The following ACP6 variants were observed in gnomAD, a reference collection of about 807,000 sequenced individuals.
ACP6 encodes the protein lysophosphatidic acid phosphatase type 6.
Under a neutral mutation model 48.1 loss-of-function variants are expected in ACP6, and 48 were observed. The observed-to-expected ratio is 1.00, with a 90% CI of 0.79 to 1.27. The LOEUF is 1.27. Among genes scored for constraint, ACP6 ranks in the 50% most tolerant of loss-of-function variants. The pLI is 0.00. For missense variants in ACP6, 485 were observed against 529.1 expected, an observed-to-expected ratio of 0.92 and a Z score of 0.82; for synonymous variants, 172 against 204.2, an observed-to-expected ratio of 0.84 and a Z score of 1.34.
At chr1:147,655,420 C>T (rs1325532635) in intron 4 of ACP6, among the ~76,000 whole-genome samples, 172 bp from the exon 5 acceptor site, 1 of 152,180 alleles carries the variant, frequency 6.6e-6, no homozygotes, top group Non-Finnish European at 1.5e-5. Flanking sequence ...CTGGCCCTGC[C>T]AAAGGAGGCT....
At position 147,643,879 on chromosome 1, in the gene ACP6, C is replaced by A; in HGVS notation, c.*3544G>T. The stretch of plus-strand genomic sequence containing the variant: ...GCTGAGAAGTCCAAGATCAAGGCAC[C>A]AGAAGGTTAGGGCCTGGTCTCTCTG... On this transcript the variant is annotated 3_prime_UTR_variant, in exon 10 of 10. Transcript: ENST00000583509. The A allele has an allele frequency of 6.6e-6, 1 of 152,484 alleles. No individual in the cohort carries two copies. Among genetic ancestry groups the A allele is most frequent in the South Asian group, 2.0e-4 (1 of 5,062 alleles). The allele number at this position is 152,484 out of a possible 1,614,324, so 9.4% of individuals were successfully genotyped here.
chr1:147,654,078 C>A, intron 6 of ACP6, 116 bp downstream of exon 6: 1 of 1,509,554 alleles, frequency 6.6e-7, no homozygotes. Context: ...ATCTGTAGGT[C>A]TTATCACAGT....
rs1553214345 is a variant in ACP6, at chr1:147,669,873, T to C, written c.176A>G (p.His59Arg). The C allele has an allele frequency of 6.2e-7, 1 of 1,600,830 alleles. No individual in the cohort carries two copies. ...CGGCTTGAGAGGACTCCGAGCCCCG[T>C]GTCGAAACACGACCTGCACCATTTT... is the stretch of plus-strand genomic sequence containing the variant. Reference protein sequence around the residue: ...KLKMVQVVFRHGARSPLKPLP... With the variant: ...KLKMVQVVFRRGARSPLKPLP... Residue 59 changes from histidine (H) to arginine (R), a missense_variant, in exon 1 of 10, where the codon CAC becomes CGC. Transcript: ENST00000583509.
At chr1:147,665,997 A>C (rs1660776971) in intron 1 of ACP6, among the ~76,000 whole-genome samples, 1 of 152,228 alleles carries the variant, frequency 6.6e-6, no homozygotes, top group Non-Finnish European at 1.5e-5. Context: ...AAATATAGTA[A>C]GACAACCAAT....
intron 8 of ACP6, chr1:147,649,871 C>T (rs782248313): frequency 2.7e-5 from 13 of 482,348 alleles, no homozygotes; most frequent in Non-Finnish European, 4.7e-5. Context: ...ATCAGTGTGA[C>T]ATCATAATTG....
intron 1 of ACP6, among the ~76,000 whole-genome samples, chr1:147,667,542 C>A (rs1553213848): frequency 6.6e-6 from 1 of 151,774 alleles, no homozygotes. Context: ...AATCATGCTA[C>A]TTTCTGAGAA....
At chr1:147,630,232 T>A (rs1659129291) in exon 6 of ACP6, 1 of 152,204 alleles carries the variant, frequency 6.6e-6, no homozygotes, top group African/African-American at 2.4e-5. Flanking sequence ...GGGTTTCTCA[T>A]ACCTCAGCAC....
chr1:147,647,141 C>A lies in ACP6; in HGVS notation c.*282G>T. The stretch of plus-strand genomic sequence containing the variant: ...GAAAAGAACTAAAGTCCAAAACCGA[C>A]ACAATTCTACAGGGTCATGATGTCC... On this transcript the variant is annotated 3_prime_UTR_variant, in exon 10 of 10. Transcript: ENST00000583509. 1 of 331,300 alleles carries A rather than the reference C, an allele frequency of 3.0e-6. No homozygotes were observed. Among genetic ancestry groups the A allele is most frequent in the Non-Finnish European group, 5.6e-6 (1 of 178,296 alleles). 20.5% of individuals were successfully genotyped at this position (331,300 alleles called of 1,614,324 possible). A position where few individuals can be genotyped will look rare whatever the true frequency, so the allele number is the denominator to read the frequency against.
At position 147,646,444 on chromosome 1, in the gene ACP6, A is replaced by C. The variant is rs1659624204; in HGVS notation, c.*979T>G. 1 of 152,212 alleles carries C rather than the reference A, an allele frequency of 6.6e-6. No individual in the cohort carries two copies. The highest frequency in any genetic ancestry group is 2.4e-5 in the African/African-American group (1 of 41,442). The allele number at this position is 152,212 out of a possible 1,614,324, so 9.4% of individuals were successfully genotyped here. Reference sequence around the variant, plus strand: ...CAGCTCCCTGATCTGGAAGTTGTCAATATTAAGATAGTAGGAAGTGGAGAG... The same window carrying C: ...CAGCTCCCTGATCTGGAAGTTGTCACTATTAAGATAGTAGGAAGTGGAGAG... On this transcript the variant is annotated 3_prime_UTR_variant, in exon 10 of 10. Coordinates refer to ENST00000583509, the MANE Select transcript of ACP6 (RefSeq NM_016361.5).
rs1319017990 is a variant in ACP6, at chr1:147,642,421, G to A, written c.*5002C>T. 2.6e-5 allele frequency: 4 copies of A among 152,188 alleles called. No homozygotes were observed. The highest frequency in any genetic ancestry group is 9.7e-5 in the African/African-American group (4 of 41,408). 9.4% of individuals were successfully genotyped at this position (152,188 alleles called of 1,614,324 possible). On this transcript the variant is annotated 3_prime_UTR_variant, in exon 10 of 10. Coordinates refer to ENST00000583509, the MANE Select transcript of ACP6 (RefSeq NM_016361.5). ...CAGGAAAAGGGAGTGTGGGTCAGGGGTCAGGTGATGGAAAAATGTGTGCCA... is the reference window on the plus strand; with the variant it reads ...CAGGAAAAGGGAGTGTGGGTCAGGGATCAGGTGATGGAAAAATGTGTGCCA...
downstream of ACP6, among the ~76,000 whole-genome samples, chr1:147,641,164 GA>G (rs1557874916): frequency 4.4e-3 from 674 of 151,804 alleles, 6 homozygotes; most frequent in African/African-American, 0.016. Context: ...TCCAGCTGAG[GA>G]AAAGGGGTGC....
chr1:147,655,324 T>A (rs1660198887), intron 4 of ACP6, 76 bp from the exon 5 acceptor site: 3 of 1,099,568 alleles, frequency 2.7e-6, no homozygotes, highest in Non-Finnish European at 4.0e-6. Context: ...CCCTTCTCTT[T>A]GTCTACAGAG....
intron 6 of ACP6, among the ~76,000 whole-genome samples, chr1:147,653,946 T>A (rs1553211097): frequency 6.6e-6 from 1 of 152,154 alleles, no homozygotes; most frequent in African/African-American, 2.4e-5. Context: ...ACAAACTGCA[T>A]ATTGGGTGTT....
intron 1 of ACP6, among the ~76,000 whole-genome samples, chr1:147,662,568 ATTAGATGT>A: frequency 6.6e-6 from 1 of 152,366 alleles, no homozygotes; most frequent in Non-Finnish European, 1.5e-5. Flanking sequence ...GAGAACTAGA[ATTAGATGT>A]GGAACCTTAA....
intron 3 of ACP6, 101 bp from the exon 4 acceptor site, chr1:147,659,140 T>C: frequency 8.5e-7 from 1 of 1,173,080 alleles, no homozygotes; most frequent in Non-Finnish European, 1.2e-6. Context: ...CAAGAGTACA[T>C]AAGGAGAGCT....
At chr1:147,650,051 G>C (rs1452293023) in intron 8 of ACP6, 92 bp downstream of exon 8, 21 of 1,075,004 alleles carry the variant, frequency 2.0e-5, no homozygotes, top group Non-Finnish European at 2.8e-5. Flanking sequence ...TGACAGCCTG[G>C]TTCTTGCCTC....
At chr1:147,636,162 GTAAA>G (rs1659294315) in intron 5 of ACP6, among the ~76,000 whole-genome samples, 1 of 152,202 alleles carries the variant, frequency 6.6e-6, no homozygotes, top group African/African-American at 2.4e-5. Flanking sequence ...GGGAAAGGGT[GTAAA>G]TGTGAAAGAG....
chr1:147,640,002 C>T (rs1450036358), downstream of ACP6, among the ~76,000 whole-genome samples: 1 of 152,098 alleles, frequency 6.6e-6, no homozygotes, highest in Non-Finnish European at 1.5e-5. Context: ...CAACACAGAG[C>T]AACTCAAACT....
rs587595308 is a variant in ACP6 at position 147,631,441 on chromosome 1, A to G, written c.461-376T>C. On this transcript the variant is annotated intron_variant, in intron 5 of 5. Coordinates refer to the ACP6 transcript ENST00000609196. ...GTTACTATCTTTCACCTCATTTATT[A>G]CGTGTTTGTTTGTTTTTTAACCAGT... Among the ~76,000 whole-genome samples the G allele has an allele frequency of 3.9e-5, 6 of 152,194 alleles. 1 individual carries two copies. The highest frequency in any genetic ancestry group is 4.1e-4 in the South Asian group (2 of 4,826).
Sources: allele counts gnomAD v4.1 joint callset (sites outside exome capture counted in the v4.1 genomes callset), GRCh38; gene constraint gnomAD v4.1.1; transcripts MANE v1.5; gene names NCBI Gene and HGNC (gene_info 2026-07-23, HGNC 2026-07-21).